The following LPIN1 variants were observed in gnomAD, a reference collection of about 807,000 sequenced individuals.
LPIN1 encodes phosphatidate phosphatase LPIN1.
In LPIN1, 71 loss-of-function variants were observed where a neutral mutation model predicts 107.5. The observed-to-expected ratio is 0.66, with a 90% CI of 0.55 to 0.80. The LOEUF (loss-of-function observed/expected upper bound fraction) is 0.80, where lower values mean the gene tolerates loss of function less well. LPIN1 is among the 30% of genes least tolerant of loss of function. The pLI is 0.00. For missense variants in LPIN1, 1,043 were observed against 1,160.6 expected (o/e 0.90, Z 1.47); for synonymous variants, 445 against 452.6 (o/e 0.98, Z 0.21).
In LPIN1 at chr2:11,825,117, C is replaced by T. The variant is rs73917820; in HGVS notation, c.*326C>T. 5.7e-3 allele frequency: 2,206 copies of T among 384,114 alleles called. 37 individuals are homozygous for T. Among genetic ancestry groups the T allele is most frequent in the African/African-American group, 0.039 (1,888 of 48,800 alleles). The allele number at this position is 384,114 out of a possible 1,614,324, so 23.8% of individuals were successfully genotyped here. A position where few individuals can be genotyped will look rare whatever the true frequency, so the allele number is the denominator to read the frequency against. ...CTACTGGTTCACGTGCAGTTTGGGG[C>T]TGTGAAACCTAGGCAGAAGGCGGCT... is the stretch of plus-strand genomic sequence containing the variant. On this transcript the variant is annotated 3_prime_UTR_variant, in exon 21 of 21. Transcript: ENST00000674199. The surrounding 1 kb of genome is among the most constrained non-coding windows in gnomAD (Gnocchi z 4.1).
intron 1 of LPIN1, among the ~76,000 whole-genome samples, chr2:11,726,043 T>G (rs1014658576): frequency 1.3e-5 from 2 of 152,090 alleles, no homozygotes; most frequent in African/African-American, 2.4e-5. Flanking sequence ...TCTCATAGAC[T>G]CAAGATGATG....
At chr2:11,773,496 C>A in intron 4 of LPIN1, 124 bp from the exon 5 acceptor site, 1 of 818,502 alleles carries the variant, frequency 1.2e-6, no homozygotes, top group Non-Finnish European at 2.0e-6. Flanking sequence ...TGGAACAGAT[C>A]TGGGTGTTTA....
intron 20 of LPIN1, among the ~76,000 whole-genome samples, chr2:11,822,180 C>T (rs560754756): frequency 6.6e-6 from 1 of 150,620 alleles, no homozygotes; most frequent in Non-Finnish European, 1.5e-5. Context: ...CCTATAATCC[C>T]AGCACTTTGG....
At chr2:11,730,021 A>G (rs961066470) in intron 1 of LPIN1, among the ~76,000 whole-genome samples, 1 of 152,060 alleles carries the variant, frequency 6.6e-6, no homozygotes, top group Non-Finnish European at 1.5e-5. Context: ...TTAGGCTATT[A>G]TTTTAGGCTA....
At chr2:11,750,284 A>G (rs998653668) in intron 1 of LPIN1, among the ~76,000 whole-genome samples, 2 of 152,228 alleles carry the variant, frequency 1.3e-5, no homozygotes, top group African/African-American at 4.8e-5. Flanking sequence ...AGGCGCCCAG[A>G]CAACTGTTCT....
At chr2:11,784,052 C>T in intron 9 of LPIN1, 130 bp downstream of exon 9, 2 of 1,501,896 alleles carry the variant, frequency 1.3e-6, no homozygotes, top group South Asian at 2.3e-5. Context: ...CGCCTGTAAT[C>T]CCAGCACTTT....
rs1678076570 is a variant in LPIN1, at chr2:11,803,162, C to T, written c.2013+129C>T. The T allele has an allele frequency of 4.0e-6, 5 of 1,261,760 alleles. No homozygotes were observed. Among genetic ancestry groups the T allele is most frequent in the South Asian group, 2.4e-5 (2 of 82,888 alleles). The allele number at this position is 1,261,760 out of a possible 1,614,324, so 78.2% of individuals were successfully genotyped here. On this transcript the variant is annotated intron_variant, in intron 15 of 20. Coordinates refer to ENST00000674199, the MANE Select transcript of LPIN1 (RefSeq NM_001349206.2). The surrounding 1 kb of genome is among the most constrained non-coding windows in gnomAD (Gnocchi z 4.2). ...TCATCCCAGGGGGCCTGCAATCCCT[C>T]AACTGGGTACCCGCTGTTTCCACCC...
intron 1 of LPIN1, among the ~76,000 whole-genome samples, chr2:11,731,753 A>G (rs763080211): frequency 6.6e-6 from 1 of 151,684 alleles, no homozygotes; most frequent in Non-Finnish European, 1.5e-5. Context: ...CTTTTTAATA[A>G]TTGCCTTTCC....
chr2:11,775,398 ACAC>A (rs1275343840), intron 5 of LPIN1, among the ~76,000 whole-genome samples: 2 of 152,222 alleles, frequency 1.3e-5, no homozygotes, highest in Admixed American at 1.3e-4. Context: ...AACACTTTAA[ACAC>A]AACTCTGAGC....
intron 1 of LPIN1, among the ~76,000 whole-genome samples, chr2:11,694,306 G>C (rs1415834655): frequency 6.6e-6 from 1 of 152,170 alleles, no homozygotes; most frequent in Non-Finnish European, 1.5e-5. Context: ...GGTTGTTATT[G>C]TTACTCGAGC....
chr2:11,821,165 G>A (rs1466514575), intron 20 of LPIN1, among the ~76,000 whole-genome samples: 1 of 152,184 alleles, frequency 6.6e-6, no homozygotes, highest in Non-Finnish European at 1.5e-5. Context: ...TTGTCTTCCT[G>A]CCTTGTCCAT....
chr2:11,750,454 C>A (rs1667620023), intron 1 of LPIN1, among the ~76,000 whole-genome samples: 1 of 152,172 alleles, frequency 6.6e-6, no homozygotes, highest in South Asian at 2.1e-4. Flanking sequence ...TATTCTTTGC[C>A]TCTGTCTTTT....
At chr2:11,764,103 T>TATATATACAC (rs1553422099) in intron 1 of LPIN1, 2 of 121,846 alleles carry the variant, frequency 1.6e-5, no homozygotes, top group African/African-American at 6.7e-5. Context: ...TATATATATA[T>TATATATACAC]ACACACACAC....
chr2:11,759,576 A>G (rs1669308407), intron 1 of LPIN1, among the ~76,000 whole-genome samples: 1 of 152,120 alleles, frequency 6.6e-6, no homozygotes, highest in South Asian at 2.1e-4. Flanking sequence ...TCCTATGTCT[A>G]CTTCTTTCTA....
rs56037558 is a variant in LPIN1 at position 11,707,754 on chromosome 2, A to G, written c.82-6002A>G. Among the ~76,000 whole-genome samples, 3,341 of 152,218 alleles carry G rather than the reference A, an allele frequency of 0.022. 132 individuals are homozygous for G. The highest frequency in any genetic ancestry group is 0.076 in the African/African-American group (3,144 of 41,530). ...AAGGGAGTGGCTGGGGCCTGTCCCA[A>G]CCAAGCGCTGCTGCTTCTGTGAGCA... On this transcript the variant is annotated intron_variant, in intron 1 of 21. Coordinates refer to the LPIN1 transcript ENST00000449576. The surrounding 1 kb of genome is among the most constrained non-coding windows in gnomAD (Gnocchi z 4.2).
intron 11 of LPIN1, among the ~76,000 whole-genome samples, chr2:11,787,986 G>A (rs943960029): frequency 7.9e-5 from 12 of 151,916 alleles, no homozygotes; most frequent in African/African-American, 1.5e-4. Flanking sequence ...CTGAGGGCAA[G>A]GGATGTACAG....
chr2:11,697,999 G>A lies in LPIN1; in HGVS notation c.82-15757G>A, dbSNP rs1042010319. ...TACAGTCCTGGTGGAGCCGGTGGTG[G>A]TCAGAGAGTTTCACTGTCTCCAGCG... On this transcript the variant is annotated intron_variant, in intron 1 of 21. Coordinates refer to the LPIN1 transcript ENST00000449576. The surrounding 1 kb of genome is among the most constrained non-coding windows in gnomAD (Gnocchi z 4.6). Among the ~76,000 whole-genome samples, 14 of 152,174 alleles carry A rather than the reference G, an allele frequency of 9.2e-5. No individual in the cohort carries two copies. Among genetic ancestry groups the A allele is most frequent in the African/African-American group, 3.1e-4 (13 of 41,436 alleles).
At chr2:11,794,973 T>G (rs1422802292) in intron 13 of LPIN1, among the ~76,000 whole-genome samples, 5 of 152,206 alleles carry the variant, frequency 3.3e-5, no homozygotes, top group African/African-American at 9.6e-5. Flanking sequence ...GTATGTCATC[T>G]TGGAAAAGAA....
At chr2:11,735,215 C>T (rs1035266728) in intron 1 of LPIN1, among the ~76,000 whole-genome samples, 13 of 151,458 alleles carry the variant, frequency 8.6e-5, no homozygotes, top group Non-Finnish European at 5.9e-5. Context: ...TTGCTTGAGC[C>T]TGGGAGGCAG....
Sources: allele counts gnomAD v4.1 joint callset (sites outside exome capture counted in the v4.1 genomes callset), GRCh38; gene constraint gnomAD v4.1.1; non-coding constraint Gnocchi (gnomAD v3.1); transcripts MANE v1.5; gene names NCBI Gene and HGNC (gene_info 2026-07-23, HGNC 2026-07-21).